Variants in FNDC3A observed in about 807,000 individuals in gnomAD.
FNDC3A encodes fibronectin type-III domain-containing protein 3A.
In FNDC3A, 32 loss-of-function variants were observed where a neutral mutation model predicts 148.9. That is an observed-to-expected ratio of 0.21 (90% CI 0.16 to 0.29). The LOEUF is 0.29. Among genes scored for constraint, FNDC3A ranks in the 10% least tolerant of loss-of-function variants. The probability of loss-of-function intolerance (pLI) is 1.00; values close to 1 mark genes in which losing one functional copy is unlikely to be tolerated. For synonymous variants in FNDC3A, 472 were observed against 473.6 expected, an observed-to-expected ratio of 1.00 and a Z score of 0.04; for missense variants, 1,191 against 1,452.8, an observed-to-expected ratio of 0.82 and a Z score of 2.93.
At chr13:49,025,370 C>G (rs993888902) in intron 2 of FNDC3A, among the ~76,000 whole-genome samples, 1 of 151,932 alleles carries the variant, frequency 6.6e-6, no homozygotes, top group Non-Finnish European at 1.5e-5. Context: ...TTCAAGATTT[C>G]AGCATGACTC....
chr13:49,140,675 T>G (rs564584350), intron 7 of FNDC3A, among the ~76,000 whole-genome samples: 9 of 152,314 alleles, frequency 5.9e-5, no homozygotes, highest in African/African-American at 2.2e-4. Context: ...TTTTACCGCT[T>G]ACAAAGTGAC....
In FNDC3A at chr13:49,201,786, T is replaced by G; in HGVS notation, c.2988-14T>G. 7.3e-7 allele frequency: 1 copy of G among 1,370,150 alleles called. No individual in the cohort carries two copies. Among genetic ancestry groups the G allele is most frequent in the Non-Finnish European group, 9.8e-7 (1 of 1,020,782 alleles). 84.9% of individuals were successfully genotyped at this position (1,370,150 alleles called of 1,614,324 possible). A position where few individuals can be genotyped will look rare whatever the true frequency, so the allele number is the denominator to read the frequency against. Reference sequence around the variant, plus strand: ...GGTAGTATAAGGTTTATCTAATAGTTATTTCCATTTTAGGTTTGTATCCCT... The same window carrying G: ...GGTAGTATAAGGTTTATCTAATAGTGATTTCCATTTTAGGTTTGTATCCCT... On this transcript the variant is annotated splice_polypyrimidine_tract_variant and intron_variant, in intron 23 of 25. Coordinates refer to ENST00000492622, the MANE Select transcript of FNDC3A (RefSeq NM_001079673.2).
At chr13:49,102,878 C>T (rs778033806) in intron 3 of FNDC3A, among the ~76,000 whole-genome samples, 70 of 152,166 alleles carry the variant, frequency 4.6e-4, no homozygotes, top group Admixed American at 1.5e-3. Flanking sequence ...AGATATTTTG[C>T]AGAGAGCTAT....
intron 20 of FNDC3A, 129 bp from the exon 21 acceptor site, chr13:49,197,596 G>T: frequency 1.4e-6 from 1 of 689,982 alleles, no homozygotes; most frequent in Non-Finnish European, 2.4e-6. Context: ...AGTTTTGATT[G>T]TGCTTAAAAG....
chr13:49,203,876 C>T (rs1009181742), intron 25 of FNDC3A, among the ~76,000 whole-genome samples: 1 of 152,036 alleles, frequency 6.6e-6, no homozygotes, highest in African/African-American at 2.4e-5. Flanking sequence ...ATAGTTAATC[C>T]TAAGGGGCCT....
intron 8 of FNDC3A, among the ~76,000 whole-genome samples, chr13:49,163,535 T>C (rs1212079125): frequency 6.6e-6 from 1 of 152,174 alleles, no homozygotes; most frequent in Non-Finnish European, 1.5e-5. Context: ...AGGTACCATC[T>C]TTCATGGCTT....
chr13:48,976,573 C>A (rs1951604148), intron 1 of FNDC3A: 1 of 151,936 alleles, frequency 6.6e-6, no homozygotes, highest in Admixed American at 6.6e-5. Context: ...CCGCGTAGCT[C>A]CGGAGGGCTC....
chr13:49,107,756 G>C (rs200214783), intron 3 of FNDC3A, among the ~76,000 whole-genome samples: 2 of 152,192 alleles, frequency 1.3e-5, no homozygotes, highest in East Asian at 3.8e-4. Flanking sequence ...AATCATCCTA[G>C]AAAACAGTGT....
At chr13:49,071,061 C>CT (rs35935869) in intron 2 of FNDC3A, among the ~76,000 whole-genome samples, 48,622 of 84,684 alleles carry the variant, frequency 0.57, 15,686 homozygotes, top group Non-Finnish European at 0.65. Flanking sequence ...CCCATGCCGG[C>CT]TTTTTTTTTT....
intron 2 of FNDC3A, among the ~76,000 whole-genome samples, chr13:49,070,104 A>C (rs1217978091): frequency 2.0e-5 from 3 of 152,132 alleles, no homozygotes; most frequent in Non-Finnish European, 4.4e-5. Flanking sequence ...TACAAGCCAC[A>C]TAAGTAGTGT....
chr13:49,104,543 GAAAA>G (rs1160335634), intron 3 of FNDC3A, among the ~76,000 whole-genome samples: 2 of 151,496 alleles, frequency 1.3e-5, no homozygotes, highest in Non-Finnish European at 3.0e-5. Context: ...AAAAAGAAAA[GAAAA>G]AAAAGAAAAG....
rs187921414 is a variant in FNDC3A, at chr13:49,130,986, G to A, written c.253-151G>A. 3.7e-4 allele frequency: 233 copies of A among 623,168 alleles called. 3 individuals carry two copies. The East Asian group carries it at 6.2e-3, about 17-fold the overall frequency. The allele number at this position is 623,168 out of a possible 1,614,324, so 38.6% of individuals were successfully genotyped here. ...TCGCCATGTTGTCCAGGCTGTTCTC[G>A]AACTCCTGACCCTAGGTAATCCACC... On this transcript the variant is annotated intron_variant, in intron 4 of 25. Coordinates refer to ENST00000492622, the MANE Select transcript of FNDC3A (RefSeq NM_001079673.2).
intron 7 of FNDC3A, among the ~76,000 whole-genome samples, chr13:49,142,727 C>G (rs926057909): frequency 3.5e-4 from 53 of 152,162 alleles, no homozygotes; most frequent in African/African-American, 1.2e-3. Context: ...TACTAATTAC[C>G]CACCTCTTTC....
chr13:49,197,850 A>C lies in FNDC3A; in HGVS notation c.2466A>C (p.Ala822=). Residue 822 remains alanine (A), a synonymous_variant, in exon 21 of 26, where the codon GCA becomes GCC. Coordinates refer to ENST00000492622, the MANE Select transcript of FNDC3A (RefSeq NM_001079673.2). ...ATGAAATAAAAGGACTTTCACCAGC[A>C]ACTACCTATTATTGCAGGGTCCAGG... ...LSYEIKGLSP[A]TTYYCRVQAL... The C allele has an allele frequency of 6.2e-7, 1 of 1,605,618 alleles. No individual in the cohort carries two copies. Among genetic ancestry groups the C allele is most frequent in the Non-Finnish European group, 8.5e-7 (1 of 1,178,178 alleles).
intron 14 of FNDC3A, among the ~76,000 whole-genome samples, chr13:49,184,058 G>A (rs953058380): frequency 2.0e-5 from 3 of 152,278 alleles, no homozygotes; most frequent in African/African-American, 7.2e-5. Context: ...GAGAATGACT[G>A]GGTAGTTAAG....
chr13:49,198,480 CA>C lies in FNDC3A; in HGVS notation c.2894del (p.Gln965ArgfsTer5). 6.2e-7 allele frequency: 1 copy of C among 1,614,150 alleles called. No individual in the cohort carries two copies. The highest frequency in any genetic ancestry group is 8.5e-7 in the Non-Finnish European group (1 of 1,179,998). On this transcript the variant is annotated frameshift_variant, in exon 23 of 26. Transcript: ENST00000492622. LOFTEE classifies it high-confidence loss of function. ...PRLECVAFSH[Q>X]NLKLKWGEGT... ...TCTGGAATGTGTTGCCTTTAGCCAC[CA>C]GAACCTTAAGCTGAAATGGGGAGAA... is the stretch of plus-strand genomic sequence containing the variant.
chr13:49,041,171 C>G (rs1874896219), intron 2 of FNDC3A, among the ~76,000 whole-genome samples: 1 of 152,150 alleles, frequency 6.6e-6, no homozygotes, highest in Non-Finnish European at 1.5e-5. Flanking sequence ...CAAAGTAGCC[C>G]TGGTTTAATC....
At chr13:49,083,998 A>G (rs1878646928) in intron 3 of FNDC3A, among the ~76,000 whole-genome samples, 2 of 152,234 alleles carry the variant, frequency 1.3e-5, no homozygotes, top group African/African-American at 4.8e-5. Flanking sequence ...AAATTTAACA[A>G]GTCTATCTGT....
At chr13:48,982,522 CAG>C (rs1321048695) in intron 1 of FNDC3A, among the ~76,000 whole-genome samples, 1 of 152,134 alleles carries the variant, frequency 6.6e-6, no homozygotes, top group Non-Finnish European at 1.5e-5. Context: ...GTGTGTGTGA[CAG>C]AGTAGCCTTT....
Sources: gnomAD v4.1 joint callset for allele counts (sites outside exome capture counted in the v4.1 genomes callset) on GRCh38, gnomAD v4.1.1 for gene constraint, MANE v1.5 for transcripts, NCBI Gene and HGNC (gene_info 2026-07-23, HGNC 2026-07-21) for gene names.